NAV2: variants seen among roughly 807,000 people sequenced by gnomAD.
The protein encoded by NAV2 is helicase, APC down-regulated 1.
NAV2 carries 54 observed loss-of-function variants against 223.2 expected under a neutral mutation model. The observed-to-expected ratio is 0.24, with a 90% confidence interval of 0.19 to 0.30. The LOEUF is 0.30. Among genes scored for constraint, NAV2 ranks in the 10% least tolerant of loss-of-function variants. NAV2 has a pLI of 1.00. For missense variants in NAV2, 2,806 were observed against 3,147.5 expected (o/e 0.89, Z 2.60); for synonymous variants, 1,279 against 1,239.3 (o/e 1.03, Z -0.67).
At chr11:19,656,442 G>A (rs189875359) in intron 1 of NAV2, among the ~76,000 whole-genome samples, 21 of 152,336 alleles carry the variant, frequency 1.4e-4, no homozygotes, top group Non-Finnish European at 1.9e-4. Flanking sequence ...GGCCATTGTG[G>A]TGAAATGCCG....
intron 1 of NAV2, among the ~76,000 whole-genome samples, chr11:19,536,496 C>T (rs1423991387): frequency 6.6e-6 from 1 of 152,198 alleles, no homozygotes; most frequent in African/African-American, 2.4e-5. Context: ...CCACCCCACA[C>T]CGTGAATCAC....
intron 1 of NAV2, among the ~76,000 whole-genome samples, chr11:19,776,676 G>GTGTGTGTGTGT (rs61624701): frequency 8.7e-4 from 129 of 147,730 alleles, no homozygotes; most frequent in Non-Finnish European, 1.2e-3. Flanking sequence ...GTGTGTGTGT[G>GTGTGTGTGTGT]GTTAGAGTTG....
At chr11:19,959,322 A>G (rs1299417038) in intron 10 of NAV2, among the ~76,000 whole-genome samples, 16 of 152,094 alleles carry the variant, frequency 1.1e-4, no homozygotes, top group African/African-American at 3.9e-4. Context: ...GGGGAAGAAC[A>G]CCCTGCGTGT....
intron 1 of NAV2, among the ~76,000 whole-genome samples, chr11:19,732,207 C>T (rs999368072): frequency 1.0e-4 from 15 of 150,464 alleles, no homozygotes; most frequent in African/African-American, 2.5e-4. Flanking sequence ...TGCAGTGAGA[C>T]GAAATCATGC....
intron 1 of NAV2, among the ~76,000 whole-genome samples, chr11:19,425,060 C>T (rs917852285): frequency 3.9e-5 from 6 of 152,108 alleles, no homozygotes. Context: ...ATTTAGTACA[C>T]ATTTGTGGAA....
intron 1 of NAV2, among the ~76,000 whole-genome samples, chr11:19,507,401 G>T (rs1169371678): frequency 6.6e-6 from 1 of 152,192 alleles, no homozygotes; most frequent in Non-Finnish European, 1.5e-5. Context: ...TGAACAGGTA[G>T]TATAAACTGA....
intron 36 of NAV2, among the ~76,000 whole-genome samples, chr11:20,111,117 T>A (rs1251044584): frequency 1.3e-5 from 2 of 152,332 alleles, no homozygotes; most frequent in Non-Finnish European, 2.9e-5. Flanking sequence ...GATGCACTTG[T>A]GGAACTGCTT....
rs748631030 is a variant in NAV2 at position 19,933,923 on chromosome 11, C to T, written c.1679C>T (p.Ser560Phe). ...GCCAAGAAGGAGCCCATGGCCCCTT[C>T]CCACAGTGGAATACCAAAACCAGGA... ...NSAKKEPMAP[S>F]HSGIPKPGMK... Residue 560 changes from serine (S) to phenylalanine (F), a missense_variant, in exon 7 of 38, where the codon TCC becomes TTC. Physicochemically the swap from Ser to Phe is radical, Grantham distance 155. Around this residue, in one of 4 missense-constraint regions of NAV2, gnomAD observed 1,167 missense variants for 1,180.5 expected, o/e 0.99. Coordinates refer to ENST00000349880, the MANE Select transcript of NAV2 (RefSeq NM_145117.5). The surrounding 1 kb of genome is among the most constrained non-coding windows in gnomAD (Gnocchi z 4.3). 2 of 1,589,314 alleles carry T rather than the reference C, an allele frequency of 1.3e-6. No homozygotes were observed. Among genetic ancestry groups the T allele is most frequent in the South Asian group, 2.3e-5 (2 of 87,444 alleles).
intron 26 of NAV2, among the ~76,000 whole-genome samples, chr11:20,083,776 G>A (rs978686048): frequency 6.6e-6 from 1 of 152,188 alleles, no homozygotes; most frequent in Non-Finnish European, 1.5e-5. Flanking sequence ...AGTAAAAATA[G>A]GGTTCATTAC....
chr11:19,479,333 C>T (rs368278447), intron 1 of NAV2, among the ~76,000 whole-genome samples: 2 of 152,104 alleles, frequency 1.3e-5, no homozygotes, highest in East Asian at 1.9e-4. Flanking sequence ...GGGACCTTTT[C>T]GGAGATTGCT....
At chr11:19,610,703 T>A (rs998387052) in intron 1 of NAV2, among the ~76,000 whole-genome samples, 5 of 151,878 alleles carry the variant, frequency 3.3e-5, no homozygotes, top group African/African-American at 1.2e-4. Context: ...GATAAGTAGA[T>A]GGATGGATGG....
At chr11:19,745,681 G>C (rs1024760524) in intron 1 of NAV2, among the ~76,000 whole-genome samples, 1 of 152,182 alleles carries the variant, frequency 6.6e-6, no homozygotes, top group African/African-American at 2.4e-5. Flanking sequence ...TGAAACTTTT[G>C]CACCTCAGAT....
At chr11:19,527,104 G>C (rs921751369) in intron 1 of NAV2, among the ~76,000 whole-genome samples, 1 of 151,434 alleles carries the variant, frequency 6.6e-6, no homozygotes, top group Admixed American at 6.6e-5. Context: ...TCCAAATCTC[G>C]TCTTGAATTG....
At chr11:19,928,026 AG>A (rs1282770272) in intron 6 of NAV2, among the ~76,000 whole-genome samples, 1 of 152,232 alleles carries the variant, frequency 6.6e-6, no homozygotes, top group African/African-American at 2.4e-5. Flanking sequence ...TAACCATTTC[AG>A]GTTCGTTTTG....
chr11:19,729,775 GT>G (rs577055314), intron 1 of NAV2, among the ~76,000 whole-genome samples: 19 of 152,286 alleles, frequency 1.2e-4, no homozygotes, highest in African/African-American at 3.1e-4. Context: ...GGGGACCCAT[GT>G]TCCATGATAA....
intron 1 of NAV2, among the ~76,000 whole-genome samples, chr11:19,408,782 C>T (rs1850011585): frequency 6.6e-6 from 1 of 152,146 alleles, no homozygotes; most frequent in South Asian, 2.1e-4. Flanking sequence ...CGAGCCTGGG[C>T]CTGGCTGATG....
chr11:20,074,048 C>CAAA (rs2153649845), intron 22 of NAV2, among the ~76,000 whole-genome samples: 1 of 152,182 alleles, frequency 6.6e-6, no homozygotes, highest in East Asian at 1.9e-4. Context: ...TAGATCTTTC[C>CAAA]TGCTTTCTCT....
intron 1 of NAV2, among the ~76,000 whole-genome samples, chr11:19,534,688 C>T (rs2044132282): frequency 6.6e-6 from 1 of 152,098 alleles, no homozygotes; most frequent in Non-Finnish European, 1.5e-5. Context: ...AGCAGCAGGG[C>T]TCCCTGTGCA....
intron 1 of NAV2, among the ~76,000 whole-genome samples, chr11:19,585,404 A>G (rs908464639): frequency 2.0e-5 from 3 of 152,074 alleles, no homozygotes; most frequent in African/African-American, 7.2e-5. Flanking sequence ...GTTGTGTGTG[A>G]ATTTGATCCT....
Sources: allele counts gnomAD v4.1 joint callset (sites outside exome capture counted in the v4.1 genomes callset), GRCh38; gene constraint gnomAD v4.1.1; regional missense constraint gnomAD v4.1.1; non-coding constraint Gnocchi (gnomAD v3.1); transcripts MANE v1.5; gene names NCBI Gene and HGNC (gene_info 2026-07-23, HGNC 2026-07-21).